CENPI: variants seen among roughly 807,000 people sequenced by gnomAD.
CENPI encodes centromere protein I, also known as FSH primary response 1.
In CENPI, 4 loss-of-function variants were observed where a neutral mutation model predicts 60.4. That is an observed-to-expected ratio of 0.07 (90% CI 0.03 to 0.15). The LOEUF is 0.15. CENPI is among the 10% of genes least tolerant of loss of function. The pLI, the probability that CENPI is intolerant of heterozygous loss-of-function variation, is 1.00. For synonymous variants in CENPI, 157 were observed against 189.4 expected, an observed-to-expected ratio of 0.83 and a Z score of 1.40; for missense variants, 444 against 534.5, an observed-to-expected ratio of 0.83 and a Z score of 1.67.
At chrX:101,175,922 A>C in the CENPI span, among the ~76,000 whole-genome samples, 18 of 110,856 alleles carry the variant, frequency 1.6e-4, no homozygotes, top group Admixed American at 1.7e-3. Flanking sequence ...ATCACTCTTT[A>C]TCCTCCGCCA....
intron 8 of CENPI, among the ~76,000 whole-genome samples, chrX:101,123,961 C>G (rs1347451738): frequency 1.8e-5 from 2 of 111,414 alleles, no homozygotes; most frequent in African/African-American, 6.5e-5. Context: ...TGTGTATGAG[C>G]AGGACTTGTT....
At chrX:101,113,282 TACACACACACAC>T (rs533672702) in intron 6 of CENPI, among the ~76,000 whole-genome samples, 62 of 83,970 alleles carry the variant, frequency 7.4e-4, no homozygotes, top group East Asian at 3.1e-3. Flanking sequence ...TCCATCCCTT[TACACACACACAC>T]ACACACACAC....
intron 18 of CENPI, among the ~76,000 whole-genome samples, chrX:101,146,570 T>C (rs772885895): frequency 8.9e-6 from 1 of 111,834 alleles, no homozygotes; most frequent in African/African-American, 3.2e-5. Flanking sequence ...TCAGGAAAAA[T>C]TAGTCATTTG....
At chrX:101,138,425 A>G (rs1217917906) in intron 15 of CENPI, among the ~76,000 whole-genome samples, 1 of 99,481 alleles carries the variant, frequency 1.0e-5, no homozygotes, top group African/African-American at 3.8e-5. Context: ...GCAACCTGTG[A>G]CTCCCTGGTT....
chrX:101,176,770 G>A, the CENPI span, among the ~76,000 whole-genome samples: 1 of 112,912 alleles, frequency 8.9e-6, no homozygotes, highest in African/African-American at 3.2e-5. Flanking sequence ...AGTTTTTTAT[G>A]TATATAGTCC....
Position 101,145,091 on chromosome X carries a change from C to A in CENPI, c.1593C>A (p.Asn531Lys). ...PLETTLGGSM[N>K]SVSKLIHYVG... ...AGACAACTTTGGGTGGATCCATGAACTCTGTGTCTAAACTGATCCACTATG... is the reference window on the plus strand; with the variant it reads ...AGACAACTTTGGGTGGATCCATGAAATCTGTGTCTAAACTGATCCACTATG... Residue 531 changes from asparagine to lysine, a missense_variant, in exon 17 of 22, where the codon AAC (asparagine) becomes AAA (lysine). Coordinates refer to ENST00000682095, the MANE Select transcript of CENPI (RefSeq NM_001386188.2). The A allele has an allele frequency of 8.3e-7, 1 of 1,203,141 alleles. No individual in the cohort carries two copies. Among genetic ancestry groups the A allele is most frequent in the Non-Finnish European group, 1.1e-6 (1 of 889,675 alleles).
chrX:101,126,669 T>C, intron 8 of CENPI, 40 bp from the exon 9 acceptor site: 1 of 1,051,236 alleles, frequency 9.5e-7, no homozygotes, highest in Non-Finnish European at 1.3e-6. Context: ...AGTTTCTTAA[T>C]AGCCACAGAA....
rs761741426 is a variant in CENPI at position 101,129,619 on chromosome X, T to C, written c.1196-363T>C. Among the ~76,000 whole-genome samples, 6 of 111,990 alleles carry C rather than the reference T, an allele frequency of 5.4e-5. No homozygotes were observed. The South Asian group carries it at 2.2e-3, about 42-fold the overall frequency. On this transcript the variant is annotated intron_variant, in intron 12 of 21. Coordinates refer to ENST00000682095, the MANE Select transcript of CENPI (RefSeq NM_001386188.2). Reference sequence around the variant, plus strand: ...GTACTAAATTTGTATCACTCTTACATTATACCCAGCATACTCTAATTGAAG... The same window carrying C: ...GTACTAAATTTGTATCACTCTTACACTATACCCAGCATACTCTAATTGAAG...
At chrX:101,108,321 C>T (rs191075108) in intron 4 of CENPI, among the ~76,000 whole-genome samples, 24 of 110,479 alleles carry the variant, frequency 2.2e-4, no homozygotes, top group Admixed American at 1.5e-3. Flanking sequence ...AGCAGTCCTC[C>T]GGCCTCAGCC....
intron 16 of CENPI, among the ~76,000 whole-genome samples, chrX:101,142,110 G>A (rs960614717): frequency 9.0e-6 from 1 of 111,714 alleles, no homozygotes; most frequent in African/African-American, 3.3e-5. Context: ...ACCCATATTT[G>A]TTCGTTCTCT....
intron 6 of CENPI, among the ~76,000 whole-genome samples, chrX:101,112,899 G>A (rs2148153069): frequency 9.1e-6 from 1 of 109,990 alleles, no homozygotes; most frequent in East Asian, 2.8e-4. Context: ...ATTTACCTTG[G>A]TGTAGTGATT....
the CENPI span, among the ~76,000 whole-genome samples, chrX:101,175,979 C>T: frequency 5.7e-4 from 64 of 111,519 alleles, 1 homozygote; most frequent in Admixed American, 5.9e-3. Flanking sequence ...ATCTATCATT[C>T]TATTCTCTAC....
At chrX:101,109,717 C>A in intron 5 of CENPI, 126 bp downstream of exon 5, 1 of 578,809 alleles carries the variant, frequency 1.7e-6, no homozygotes, top group Non-Finnish European at 2.9e-6. Flanking sequence ...AACAATATAT[C>A]TTGATGCAAG....
At chrX:101,131,000 T>G (rs2089790105) in intron 13 of CENPI, among the ~76,000 whole-genome samples, 1 of 109,899 alleles carries the variant, frequency 9.1e-6, no homozygotes, top group African/African-American at 3.3e-5. Context: ...TAATTCTTTG[T>G]TTTTTTTTAG....
At chrX:101,104,447 ACT>A (rs748321114) in intron 4 of CENPI, among the ~76,000 whole-genome samples, 10 of 111,734 alleles carry the variant, frequency 8.9e-5, no homozygotes, top group Non-Finnish European at 1.9e-4. Flanking sequence ...GACTCTAAAC[ACT>A]CTCATTTAAA....
At chrX:101,130,575 A>G (rs1425358238) in intron 13 of CENPI, among the ~76,000 whole-genome samples, 1 of 112,830 alleles carries the variant, frequency 8.9e-6, no homozygotes, top group East Asian at 2.7e-4. Context: ...ATGTTATATT[A>G]TGCAAATAAA....
intron 20 of CENPI, among the ~76,000 whole-genome samples, chrX:101,150,094 T>G (rs1276576643): frequency 1.8e-5 from 2 of 109,682 alleles, no homozygotes; most frequent in African/African-American, 6.6e-5. Flanking sequence ...TTCAGAGACA[T>G]TATAGTGATT....
At chrX:101,158,203 T>C (rs111268171) in intron 20 of CENPI, among the ~76,000 whole-genome samples, 5,979 of 110,974 alleles carry the variant, frequency 0.054, 480 homozygotes, top group African/African-American at 0.19. Context: ...CATTCATCTG[T>C]TGATGGATAC....
intron 4 of CENPI, among the ~76,000 whole-genome samples, chrX:101,102,634 T>C (rs2089434220): frequency 9.2e-6 from 1 of 109,123 alleles, no homozygotes; most frequent in Non-Finnish European, 1.9e-5. Context: ...GTGCTGGGAT[T>C]ATAGGCTTGA....
Sources: allele counts gnomAD v4.1 joint callset (sites outside exome capture counted in the v4.1 genomes callset), GRCh38; gene constraint gnomAD v4.1.1; transcripts MANE v1.5; gene names NCBI Gene and HGNC (gene_info 2026-07-23, HGNC 2026-07-21).